Variants in EXOC4 observed in about 807,000 individuals in gnomAD.
The protein encoded by EXOC4 is SEC8-like 1.
Under a neutral mutation model 107.2 loss-of-function variants are expected in EXOC4, and 71 were observed. The observed-to-expected ratio is 0.66, with a 90% CI of 0.55 to 0.81. The LOEUF (loss-of-function observed/expected upper bound fraction) is 0.81. EXOC4 is among the 30% of genes least tolerant of loss of function. The probability of loss-of-function intolerance (pLI) is 0.00; values close to 1 mark genes in which losing one functional copy is unlikely to be tolerated. For synonymous variants in EXOC4, 456 were observed against 441.2 expected, an observed-to-expected ratio of 1.03 and a Z score of -0.42; for missense variants, 1,108 against 1,189.6, an observed-to-expected ratio of 0.93 and a Z score of 1.01.
chr7:133,720,389 G>T (rs117537167), intron 10 of EXOC4, among the ~76,000 whole-genome samples: 1 of 152,052 alleles, frequency 6.6e-6, no homozygotes, highest in East Asian at 1.9e-4. Context: ...TGAATGTTGC[G>T]TATAAACCTT....
intron 10 of EXOC4, among the ~76,000 whole-genome samples, chr7:133,780,869 TCAA>T (rs1796451380): frequency 6.6e-6 from 1 of 152,206 alleles, no homozygotes; most frequent in Non-Finnish European, 1.5e-5. Context: ...TTGGTATTTT[TCAA>T]ATGAAGAACT....
At chr7:133,824,399 C>T (rs1166373644) in intron 11 of EXOC4, among the ~76,000 whole-genome samples, 11 of 152,052 alleles carry the variant, frequency 7.2e-5, no homozygotes, top group Admixed American at 7.2e-4. Context: ...ACCTTCTGTT[C>T]TTTCTACTCT....
chr7:133,509,321 A>T (rs1321671351), intron 9 of EXOC4, among the ~76,000 whole-genome samples: 1 of 151,912 alleles, frequency 6.6e-6, no homozygotes, highest in Non-Finnish European at 1.5e-5. Flanking sequence ...CCAGCTACTC[A>T]GGAGGCTGAG....
chr7:133,740,616 A>G (rs550920054), intron 10 of EXOC4, among the ~76,000 whole-genome samples: 4 of 152,304 alleles, frequency 2.6e-5, no homozygotes, highest in African/African-American at 9.6e-5. Context: ...TCAGAAACAC[A>G]CATCTCAGCA....
chr7:133,509,509 T>A (rs1416935125), intron 9 of EXOC4, among the ~76,000 whole-genome samples: 2 of 152,032 alleles, frequency 1.3e-5, no homozygotes, highest in African/African-American at 2.4e-5. Flanking sequence ...GCTGGAAGGT[T>A]CTCTTTTATA....
At chr7:134,073,226 AAAAAAAC>A in the EXOC4 span, among the ~76,000 whole-genome samples, 7 of 34,742 alleles carry the variant, frequency 2.0e-4, no homozygotes, top group African/African-American at 1.1e-3. Flanking sequence ...AAAAAAAAAA[AAAAAAAC>A]AACAAAGAAA....
intron 11 of EXOC4, among the ~76,000 whole-genome samples, chr7:133,884,620 T>TGTGTGTGTGC (rs942323507): frequency 1.5e-4 from 21 of 142,328 alleles, no homozygotes; most frequent in African/African-American, 4.6e-4. Context: ...TGTGTGTGTG[T>TGTGTGTGTGC]GCGCGCGTGT....
chr7:133,598,901 T>C (rs1801743637), intron 9 of EXOC4, among the ~76,000 whole-genome samples: 2 of 152,210 alleles, frequency 1.3e-5, no homozygotes, highest in South Asian at 4.2e-4. Context: ...GGATAATTGC[T>C]TGAACCCACT....
At position 133,841,188 on chromosome 7, in the gene EXOC4, C is replaced by G. The variant is rs115455793; in HGVS notation, c.1734+23644C>G. Reference sequence around the variant, plus strand: ...AGGGATCTCTCTGAGGGCACTAATCCCATTTCATGAGGGCACTAATCCCAT... The same window carrying G: ...AGGGATCTCTCTGAGGGCACTAATCGCATTTCATGAGGGCACTAATCCCAT... On this transcript the variant is annotated intron_variant, in intron 11 of 17. Transcript: ENST00000253861. Among the ~76,000 whole-genome samples, 364 of 152,160 alleles carry G rather than the reference C, an allele frequency of 2.4e-3. 5 individuals are homozygous for G. The highest frequency in any genetic ancestry group is 8.2e-3 in the African/African-American group (340 of 41,518).
intron 11 of EXOC4, among the ~76,000 whole-genome samples, chr7:133,823,890 ATATTTT>A (rs1461293269): frequency 4.6e-5 from 1 of 21,738 alleles, no homozygotes; most frequent in African/African-American, 6.0e-4. Context: ...ATATATATAT[ATATTTT>A]ATATATATAT....
At chr7:133,607,343 G>A (rs1307004234) in intron 9 of EXOC4, among the ~76,000 whole-genome samples, 1 of 152,214 alleles carries the variant, frequency 6.6e-6, no homozygotes, top group African/African-American at 2.4e-5. Context: ...AAGGCACATT[G>A]CAGTTTTCCG....
chr7:133,976,533 T>A (rs546329846), intron 14 of EXOC4, among the ~76,000 whole-genome samples: 2 of 150,568 alleles, frequency 1.3e-5, no homozygotes, highest in Admixed American at 6.7e-5. Flanking sequence ...AACTACAGAT[T>A]AATGTTAGAT....
chr7:133,478,236 G>T (rs913272826), intron 8 of EXOC4, among the ~76,000 whole-genome samples: 4 of 148,482 alleles, frequency 2.7e-5, no homozygotes, highest in African/African-American at 5.0e-5. Flanking sequence ...AACCATCACC[G>T]CTGACTTTCA....
chr7:133,591,122 A>G (rs1396324888), intron 9 of EXOC4, among the ~76,000 whole-genome samples: 1 of 152,228 alleles, frequency 6.6e-6, no homozygotes, highest in Non-Finnish European at 1.5e-5. Flanking sequence ...AAAAGGGCCA[A>G]GGGAACTATC....
rs184986998 is a variant in EXOC4, at chr7:133,828,581, A to C, written c.1734+11037A>C. Among the ~76,000 whole-genome samples the C allele has an allele frequency of 1.2e-4, 18 of 152,324 alleles. 1 individual carries two copies. The highest frequency in any genetic ancestry group is 3.4e-4 in the African/African-American group (14 of 41,560). ...CAAAGTTTAATGGCCATTTAAGATT[A>C]ACATTTCAAGTAAAGCAGCTGCTTT... is the stretch of plus-strand genomic sequence containing the variant. On this transcript the variant is annotated intron_variant, in intron 11 of 17. Transcript: ENST00000253861.
chr7:133,840,987 G>A (rs1476161826), intron 11 of EXOC4, among the ~76,000 whole-genome samples: 6 of 152,166 alleles, frequency 3.9e-5, no homozygotes, highest in East Asian at 1.9e-4. Context: ...TCGGGCTGCC[G>A]TAACAAAATA....
At chr7:133,864,627 A>G (rs1458379424) in intron 11 of EXOC4, among the ~76,000 whole-genome samples, 2 of 152,244 alleles carry the variant, frequency 1.3e-5, no homozygotes, top group Non-Finnish European at 2.9e-5. Context: ...CAAATTAGGG[A>G]AAGCAGGGAG....
chr7:133,953,753 G>C (rs1333786594), intron 14 of EXOC4, among the ~76,000 whole-genome samples: 2 of 152,172 alleles, frequency 1.3e-5, no homozygotes, highest in Non-Finnish European at 2.9e-5. Context: ...TTACTGTCTT[G>C]TTCTCTAGAT....
chr7:133,895,574 T>C (rs932060038), intron 11 of EXOC4, 25 bp from the exon 12 acceptor site: 2 of 1,610,800 alleles, frequency 1.2e-6, no homozygotes, highest in African/African-American at 1.3e-5. Flanking sequence ...AAATCTCATA[T>C]CCTCTCTTTG....
Sources: allele counts gnomAD v4.1 joint callset (sites outside exome capture counted in the v4.1 genomes callset), GRCh38; gene constraint gnomAD v4.1.1; transcripts MANE v1.5; gene names NCBI Gene and HGNC (gene_info 2026-07-23, HGNC 2026-07-21).